The following EBF3 variants were observed in gnomAD, a reference collection of about 807,000 sequenced individuals.
EBF3 encodes the protein EBF transcription factor 3.
A neutral mutation model predicts 77.1 loss-of-function variants in EBF3; 18 were observed. That is an observed-to-expected ratio of 0.23 (90% confidence interval 0.16 to 0.35). EBF3 has a LOEUF of 0.35. Among genes scored for constraint, EBF3 ranks in the 10% least tolerant of loss-of-function variants. The pLI is 1.00. For synonymous variants in EBF3, 350 were observed against 343.5 expected (o/e 1.02, Z -0.21); for missense variants, 558 against 860.0 (o/e 0.65, Z 4.39).
At chr10:129,867,307 G>A (rs1436506310) in intron 9 of EBF3, 40 bp from the exon 10 acceptor site, 1 of 1,609,462 alleles carries the variant, frequency 6.2e-7, no homozygotes, top group Non-Finnish European at 8.5e-7. Context: ...CAGCGGCGCT[G>A]GCTATGAGAG....
chr10:129,916,897 CA>C (rs1338032967), intron 6 of EBF3, among the ~76,000 whole-genome samples: 1 of 152,132 alleles, frequency 6.6e-6, no homozygotes, highest in Non-Finnish European at 1.5e-5. Context: ...GGCATTCCTG[CA>C]GGGGTGGGAA....
In EBF3 at chr10:129,863,383, C is replaced by T. The variant is rs985501171; in HGVS notation, c.1039+3758G>A. The stretch of plus-strand genomic sequence containing the variant: ...GCAAAAGGGCCTGGATGGATGGGGC[C>T]TGGCCTGCCTTCCCCTTCCCACTCG... On this transcript the variant is annotated intron_variant, in intron 10 of 16. Coordinates refer to ENST00000440978, the MANE Select transcript of EBF3 (RefSeq NM_001375380.1). The surrounding 1 kb of genome is among the most constrained non-coding windows in gnomAD (Gnocchi z 4.0). Among the ~76,000 whole-genome samples, 4 of 152,242 alleles carry T rather than the reference C, an allele frequency of 2.6e-5. No homozygotes were observed. The highest frequency in any genetic ancestry group is 5.9e-5 in the Non-Finnish European group (4 of 68,042).
chr10:129,915,888 G>A (rs1263596578), intron 6 of EBF3, among the ~76,000 whole-genome samples: 3 of 152,214 alleles, frequency 2.0e-5, no homozygotes, highest in South Asian at 4.1e-4. Flanking sequence ...CGGGTGGCAG[G>A]GAGAGATGGC....
At chr10:129,847,706 AAGAG>A (rs1850569861) in intron 11 of EBF3, among the ~76,000 whole-genome samples, 1 of 152,218 alleles carries the variant, frequency 6.6e-6, no homozygotes, top group Non-Finnish European at 1.5e-5. Context: ...AGGGCTTCTA[AAGAG>A]AGAAAGAGAC....
chr10:129,910,510 C>T (rs1855453522), intron 6 of EBF3, among the ~76,000 whole-genome samples: 1 of 152,126 alleles, frequency 6.6e-6, no homozygotes, highest in African/African-American at 2.4e-5. Flanking sequence ...GTCCGAAGAG[C>T]CATCCCCCAC....
intron 6 of EBF3, among the ~76,000 whole-genome samples, chr10:129,891,733 T>C (rs932066925): frequency 6.6e-6 from 1 of 152,168 alleles, no homozygotes; most frequent in Admixed American, 6.5e-5. Context: ...TGCCATGTAT[T>C]ACAAGCACAA....
Position 129,848,590 on chromosome 10 carries a change from C to A in EBF3, c.1040-110G>T. ...TGTAGTTCTCCTGCTCTGATGCTCT[C>A]TAAGGCAAGCACCCCTGAATACTAG... is the stretch of plus-strand genomic sequence containing the variant. On this transcript the variant is annotated intron_variant, in intron 10 of 16. Transcript: ENST00000440978. This position sits in a 1 kb window ranked among gnomAD's most constrained non-coding sequence, Gnocchi z 4.4. The A allele has an allele frequency of 8.7e-7, 1 of 1,144,914 alleles. No individual in the cohort carries two copies. Among genetic ancestry groups the A allele is most frequent in the Non-Finnish European group, 1.3e-6 (1 of 758,578 alleles). 70.9% of individuals were successfully genotyped at this position (1,144,914 alleles called of 1,614,324 possible).
At chr10:129,900,908 T>C (rs373047019) in intron 6 of EBF3, among the ~76,000 whole-genome samples, 162 of 152,270 alleles carry the variant, frequency 1.1e-3, no homozygotes, top group African/African-American at 3.5e-3. Flanking sequence ...TTGGGAGCCA[T>C]TGAAAGCACA....
chr10:129,850,422 C>A (rs1358023903), intron 10 of EBF3, among the ~76,000 whole-genome samples: 1 of 152,192 alleles, frequency 6.6e-6, no homozygotes, highest in African/African-American at 2.4e-5. Context: ...AGGGTAAGTA[C>A]ATGGGCCCCT....
At position 129,870,620 on chromosome 10, in the gene EBF3, C is replaced by T. The variant is rs549778826; in HGVS notation, c.782-2708G>A. 3.3e-5 allele frequency among the ~76,000 whole-genome samples: 5 copies of T among 152,142 alleles called. No individual in the cohort carries two copies. Among genetic ancestry groups the T allele is most frequent in the South Asian group, 2.1e-4 (1 of 4,816 alleles). The stretch of plus-strand genomic sequence containing the variant: ...CCTCTCAGCTACTTGGGAGAAGAGG[C>T]GCTCACAAGGAACACCCTCTGCCCA... On this transcript the variant is annotated intron_variant, in intron 8 of 16. Transcript: ENST00000440978. The surrounding 1 kb of genome is among the most constrained non-coding windows in gnomAD (Gnocchi z 4.4).
At chr10:129,907,507 T>C (rs1855228354) in intron 6 of EBF3, among the ~76,000 whole-genome samples, 1 of 152,230 alleles carries the variant, frequency 6.6e-6, no homozygotes, top group Non-Finnish European at 1.5e-5. Flanking sequence ...TGGTGGATCC[T>C]TTCCCAGAGC....
rs149308904 is a variant in EBF3 at position 129,917,729 on chromosome 10, G to C, written c.554+39529C>G. ...AATTACAAATGGGATTTTACCAAAA[G>C]ATTTATTTCAGTAAAGCAAAAGTAT... is the stretch of plus-strand genomic sequence containing the variant. On this transcript the variant is annotated intron_variant, in intron 6 of 16. Transcript: ENST00000440978. Among the ~76,000 whole-genome samples, 20 of 127,358 alleles carry C rather than the reference G, an allele frequency of 1.6e-4. No individual in the cohort carries two copies. The East Asian group carries it at 4.6e-3, about 29-fold the overall frequency. The allele number at this position is 127,358 out of a possible 152,430, so 83.6% of individuals were successfully genotyped here.
chr10:129,850,976 C>T (rs1415969730), intron 10 of EBF3, among the ~76,000 whole-genome samples: 2 of 152,198 alleles, frequency 1.3e-5, no homozygotes, highest in South Asian at 2.1e-4. Flanking sequence ...AGAGCCCTGC[C>T]GAGCCAGGGC....
chr10:129,895,133 C>G (rs915762238), intron 6 of EBF3, among the ~76,000 whole-genome samples: 2 of 152,206 alleles, frequency 1.3e-5, no homozygotes, highest in Admixed American at 6.5e-5. Flanking sequence ...CTTAATTTTG[C>G]CGAGATTCCA....
intron 11 of EBF3, 154 bp from the exon 12 acceptor site, chr10:129,843,356 A>G: frequency 1.4e-6 from 1 of 698,278 alleles, no homozygotes; most frequent in South Asian, 2.0e-5. Context: ...AGGCACAGAC[A>G]GGAAGGCACG....
intron 8 of EBF3, among the ~76,000 whole-genome samples, chr10:129,871,405 G>A (rs1295806172): frequency 6.6e-6 from 1 of 152,172 alleles, no homozygotes; most frequent in Non-Finnish European, 1.5e-5. Context: ...GGGGGAATTC[G>A]TTTACTTGGA....
rs772918354 is a variant in EBF3, at chr10:129,952,845, C to T, written c.554+4413G>A. On this transcript the variant is annotated intron_variant, in intron 6 of 16. Coordinates refer to ENST00000440978, the MANE Select transcript of EBF3 (RefSeq NM_001375380.1). The surrounding 1 kb of genome is among the most constrained non-coding windows in gnomAD (Gnocchi z 4.7). ...AAATCGGCATTAGGCCCAAATTACACGATATTAATACTTGAACAGGTGCAG... is the reference window on the plus strand; with the variant it reads ...AAATCGGCATTAGGCCCAAATTACATGATATTAATACTTGAACAGGTGCAG... 1.3e-5 allele frequency among the ~76,000 whole-genome samples: 2 copies of T among 151,804 alleles called. No individual in the cohort carries two copies. The highest frequency in any genetic ancestry group is 2.1e-4 in the South Asian group (1 of 4,826).
intron 11 of EBF3, among the ~76,000 whole-genome samples, chr10:129,847,549 G>A (rs184593825): frequency 1.3e-5 from 2 of 152,300 alleles, no homozygotes; most frequent in Admixed American, 1.3e-4. Flanking sequence ...CATTAAAAAG[G>A]TAATGTCTAA....
chr10:129,951,767 C>T (rs1858700741), intron 6 of EBF3, among the ~76,000 whole-genome samples: 1 of 152,240 alleles, frequency 6.6e-6, no homozygotes, highest in Non-Finnish European at 1.5e-5. Flanking sequence ...GTGGTGCACA[C>T]CCGCATCTCA....
Sources: gnomAD v4.1 joint callset for allele counts (sites outside exome capture counted in the v4.1 genomes callset) on GRCh38, gnomAD v4.1.1 for gene constraint, Gnocchi (gnomAD v3.1) non-coding constraint, MANE v1.5 for transcripts, NCBI Gene and HGNC (gene_info 2026-07-23, HGNC 2026-07-21) for gene names.